The following PARD3B variants were observed in gnomAD, a reference collection of about 807,000 sequenced individuals.
PARD3B encodes the protein partitioning defective 3 homolog B.
In PARD3B, 103 loss-of-function variants were observed where a neutral mutation model predicts 130.2. The observed-to-expected ratio is 0.79, with a 90% CI of 0.67 to 0.93. The LOEUF (loss-of-function observed/expected upper bound fraction) is 0.93. Ranked by LOEUF, PARD3B falls within the 40% of genes least tolerant of loss-of-function variation. The pLI is 0.00. For missense variants in PARD3B, 1,609 were observed against 1,499.2 expected (o/e 1.07, Z -1.21); for synonymous variants, 583 against 553.2 (o/e 1.05, Z -0.76).
rs1415714209 is a variant in PARD3B, at chr2:205,292,035, T to C, written c.2186-8495T>C. The stretch of plus-strand genomic sequence containing the variant: ...GTGCCCTCAGGACCTCAGTGCATGC[T>C]GCATAGGGCAGCCAAACACCACTGG... On this transcript the variant is annotated intron_variant, in intron 16 of 22. Transcript: ENST00000406610. This position sits in a 1 kb window ranked among gnomAD's most constrained non-coding sequence, Gnocchi z 5.3. Among the ~76,000 whole-genome samples, 1 of 152,194 alleles carries C rather than the reference T, an allele frequency of 6.6e-6. No homozygotes were observed. The highest frequency in any genetic ancestry group is 1.5e-5 in the Non-Finnish European group (1 of 68,034).
intron 4 of PARD3B, among the ~76,000 whole-genome samples, chr2:205,071,037 A>G (rs576660917): frequency 6.6e-6 from 1 of 151,908 alleles, no homozygotes; most frequent in East Asian, 1.9e-4. Flanking sequence ...TTAAATGGCC[A>G]GTTTTCAAAG....
chr2:205,123,050 A>G (rs2030938323), intron 8 of PARD3B, among the ~76,000 whole-genome samples: 1 of 152,194 alleles, frequency 6.6e-6, no homozygotes, highest in African/African-American at 2.4e-5. Flanking sequence ...AAAGCCTTGA[A>G]TGCAAAAATG....
At chr2:204,999,500 T>C (rs573159897) in intron 3 of PARD3B, among the ~76,000 whole-genome samples, 1 of 152,334 alleles carries the variant, frequency 6.6e-6, no homozygotes, top group East Asian at 1.9e-4. Flanking sequence ...GCTTTGAACA[T>C]GTTCTTTTTC....
At chr2:205,523,202 G>A (rs1301742415) in intron 21 of PARD3B, among the ~76,000 whole-genome samples, 3 of 123,076 alleles carry the variant, frequency 2.4e-5, no homozygotes, top group East Asian at 2.3e-4. Context: ...TTACCCCCGT[G>A]TACTATATGT....
chr2:204,910,618 TAAG>T (rs1486287152), intron 2 of PARD3B, among the ~76,000 whole-genome samples: 1 of 152,080 alleles, frequency 6.6e-6, no homozygotes, highest in Non-Finnish European at 1.5e-5. Context: ...TTCCTGTAAA[TAAG>T]ATTACTGTTT....
rs186407375 is a variant in PARD3B, at chr2:204,777,345, C to T, written c.222+91063C>T. Among the ~76,000 whole-genome samples, 62 of 152,278 alleles carry T rather than the reference C, an allele frequency of 4.1e-4. 1 individual carries two copies. In the East Asian group the frequency reaches 0.011, roughly 27 times the overall value. On this transcript the variant is annotated intron_variant, in intron 2 of 22. Transcript: ENST00000406610. ...TGATTTCAGGCCAATAATCTTTCTGCTACACTACTTTAATGTGTATGTTGG... is the reference window on the plus strand; with the variant it reads ...TGATTTCAGGCCAATAATCTTTCTGTTACACTACTTTAATGTGTATGTTGG...
chr2:205,230,001 A>C lies in PARD3B; in HGVS notation c.2141-15777A>C, dbSNP rs2038753431. ...GGTCTAAGGACTCTTCAGTCAGCTC[A>C]TGGTGAATGCTGCCAGGCCTGGGAC... On this transcript the variant is annotated intron_variant, in intron 15 of 22. Coordinates refer to ENST00000406610, the MANE Select transcript of PARD3B (RefSeq NM_001302769.2). The surrounding 1 kb of genome is among the most constrained non-coding windows in gnomAD (Gnocchi z 4.1). Among the ~76,000 whole-genome samples the C allele has an allele frequency of 6.6e-6, 1 of 151,436 alleles. No individual in the cohort carries two copies. Among genetic ancestry groups the C allele is most frequent in the Non-Finnish European group, 1.5e-5 (1 of 67,902 alleles).
intron 2 of PARD3B, among the ~76,000 whole-genome samples, chr2:204,864,227 A>G (rs1485925302): frequency 1.3e-5 from 2 of 152,152 alleles, no homozygotes; most frequent in Non-Finnish European, 2.9e-5. Flanking sequence ...AGATTTGCAT[A>G]TGGAAGTCAA....
chr2:204,790,997 C>T lies in PARD3B; in HGVS notation c.222+104715C>T, dbSNP rs1351222839. Reference sequence around the variant, plus strand: ...GTGCATGCCTGTAATTCCAGCTACTCGGGAGGCTGAGGCAGGAGAATCACT... The same window carrying T: ...GTGCATGCCTGTAATTCCAGCTACTTGGGAGGCTGAGGCAGGAGAATCACT... On this transcript the variant is annotated intron_variant, in intron 2 of 22. Transcript: ENST00000406610. 4.6e-5 allele frequency among the ~76,000 whole-genome samples: 7 copies of T among 151,810 alleles called. No homozygotes were observed. In the East Asian group the frequency reaches 1.2e-3, roughly 25 times the overall value.
intron 2 of PARD3B, among the ~76,000 whole-genome samples, chr2:204,807,582 C>T (rs1015148052): frequency 9.2e-5 from 14 of 151,958 alleles, no homozygotes; most frequent in Admixed American, 2.6e-4. Flanking sequence ...AGCCAAGATT[C>T]GGAAGCTACC....
At position 204,732,739 on chromosome 2, in the gene PARD3B, C is replaced by T. The variant is rs547042869; in HGVS notation, c.222+46457C>T. Among the ~76,000 whole-genome samples, 5 of 152,252 alleles carry T rather than the reference C, an allele frequency of 3.3e-5. No individual in the cohort carries two copies. The South Asian group carries it at 1.0e-3, about 32-fold the overall frequency. On this transcript the variant is annotated intron_variant, in intron 2 of 22. Coordinates refer to ENST00000406610, the MANE Select transcript of PARD3B (RefSeq NM_001302769.2). ...GGTCTAATTCTAGAGACATGTGTAC[C>T]TTACTTATGGATACTTGGCAAGGTA... is the stretch of plus-strand genomic sequence containing the variant.
At chr2:204,922,817 C>A (rs1400268656) in intron 2 of PARD3B, among the ~76,000 whole-genome samples, 1 of 152,060 alleles carries the variant, frequency 6.6e-6, no homozygotes, top group African/African-American at 2.4e-5. Context: ...CTCTCCAAAT[C>A]TCCTCCTACC....
At chr2:205,401,319 A>C (rs1221369432) in intron 19 of PARD3B, among the ~76,000 whole-genome samples, 196 bp downstream of exon 19, 5 of 152,170 alleles carry the variant, frequency 3.3e-5, no homozygotes, top group African/African-American at 9.7e-5. Context: ...AATTTGCTTC[A>C]TGTTTTTACT....
intron 2 of PARD3B, among the ~76,000 whole-genome samples, chr2:204,749,724 G>C (rs2040386280): frequency 6.6e-6 from 1 of 152,142 alleles, no homozygotes; most frequent in African/African-American, 2.4e-5. Flanking sequence ...AAACATGTGG[G>C]CTAACTGGGC....
chr2:205,299,649 G>A (rs1259824012), intron 16 of PARD3B, among the ~76,000 whole-genome samples: 4 of 151,082 alleles, frequency 2.6e-5, no homozygotes, highest in Non-Finnish European at 3.0e-5. Context: ...ACTAGCTGGG[G>A]GTGGGAATGG....
chr2:204,820,097 C>T (rs1353303689), intron 2 of PARD3B, among the ~76,000 whole-genome samples: 4 of 66,694 alleles, frequency 6.0e-5, no homozygotes, highest in South Asian at 8.3e-4. Flanking sequence ...TTTTTTGAGA[C>T]GGAGTGTCAC....
intron 2 of PARD3B, among the ~76,000 whole-genome samples, chr2:204,720,269 T>C (rs2038933430): frequency 6.6e-6 from 1 of 152,248 alleles, no homozygotes; most frequent in Admixed American, 6.5e-5. Context: ...ATTAGGTCTG[T>C]TGCCACGTGA....
chr2:204,988,437 G>A (rs1287078112), intron 3 of PARD3B, among the ~76,000 whole-genome samples: 1 of 152,050 alleles, frequency 6.6e-6, no homozygotes, highest in Non-Finnish European at 1.5e-5. Flanking sequence ...CACACAACAT[G>A]GTGACTATAG....
intron 1 of PARD3B, among the ~76,000 whole-genome samples, chr2:204,615,970 T>C (rs1476872663): frequency 6.6e-6 from 1 of 152,136 alleles, no homozygotes; most frequent in Non-Finnish European, 1.5e-5. Flanking sequence ...CTACAGGTAT[T>C]GACAAAGCCT....
Sources: allele counts gnomAD v4.1 joint callset (sites outside exome capture counted in the v4.1 genomes callset), GRCh38; gene constraint gnomAD v4.1.1; non-coding constraint Gnocchi (gnomAD v3.1); transcripts MANE v1.5; gene names NCBI Gene and HGNC (gene_info 2026-07-23, HGNC 2026-07-21).